The following ARPC3 variants were observed in gnomAD, a reference collection of about 807,000 sequenced individuals.
ARPC3 encodes the protein actin related protein 2/3 complex subunit 3, also known as actin-related protein 2/3 complex subunit 3.
ARPC3 carries 12 observed loss-of-function variants against 27.6 expected under a neutral mutation model. The ratio of observed to expected loss-of-function variants is 0.43; its 90% CI spans 0.28 to 0.70. ARPC3 has a LOEUF of 0.70. Ranked by LOEUF, ARPC3 falls within the 30% of genes least tolerant of loss-of-function variation. The pLI is 0.17. For missense variants in ARPC3, 153 were observed against 207.7 expected (o/e 0.74, Z 1.62); for synonymous variants, 53 against 67.2 (o/e 0.79, Z 1.03).
At chr12:110,447,886 CTTTTTTTTTTTTT>C (rs796202139) in intron 1 of ARPC3, among the ~76,000 whole-genome samples, 12 of 107,202 alleles carry the variant, frequency 1.1e-4, no homozygotes, top group South Asian at 3.4e-4. Context: ...ATTTAGAGTC[CTTTTTTTTTTTTT>C]TTTTTTTTTT....
intron 1 of ARPC3, among the ~76,000 whole-genome samples, chr12:110,445,862 G>A (rs1363573637): frequency 6.6e-6 from 1 of 152,174 alleles, no homozygotes. Flanking sequence ...CCAGCACTTT[G>A]GGAGGCTGAG....
intron 5 of ARPC3, 48 bp downstream of exon 5, chr12:110,436,509 G>C (rs767458524): frequency 1.2e-6 from 2 of 1,611,812 alleles, no homozygotes; most frequent in Non-Finnish European, 8.5e-7. Context: ...AAGTCAAATG[G>C]AGAAAATCTT....
At chr12:110,440,424 T>A (rs898792704) in intron 2 of ARPC3, 36 bp from the exon 3 acceptor site, 5 of 1,405,174 alleles carry the variant, frequency 3.6e-6, no homozygotes, top group Non-Finnish European at 5.1e-6. Context: ...ACAGAGAACA[T>A]TAGCCAAATA....
chr12:110,440,845 CTT>C (rs1422650011), intron 2 of ARPC3, among the ~76,000 whole-genome samples: 5 of 123,958 alleles, frequency 4.0e-5, no homozygotes, highest in Non-Finnish European at 6.7e-5. Flanking sequence ...CGTGCCCAGC[CTT>C]TGTTTTTTTT....
At chr12:110,444,763 G>C (rs1232438624) in intron 2 of ARPC3, 1 of 152,288 alleles carries the variant, frequency 6.6e-6, no homozygotes, top group African/African-American at 2.4e-5. Context: ...CAGTCTGGCA[G>C]AGAAATGGGG....
intron 3 of ARPC3, among the ~76,000 whole-genome samples, chr12:110,438,425 C>T (rs1324662511): frequency 6.6e-6 from 1 of 151,052 alleles, no homozygotes. Flanking sequence ...TGGTGAAACC[C>T]TGTCCCTACC....
rs1243925179 is a variant in ARPC3, at chr12:110,436,774, G to T, written c.253-91C>A. 1.1e-5 allele frequency: 12 copies of T among 1,078,600 alleles called. No homozygotes were observed. The South Asian group carries it at 1.7e-4, about 15-fold the overall frequency. 66.8% of individuals were successfully genotyped at this position (1,078,600 alleles called of 1,614,324 possible). A position where few individuals can be genotyped will look rare whatever the true frequency, so the allele number is the denominator to read the frequency against. ...CACACATATTTTACAGGGAAAAGAA[G>T]AATTCTATCCTTGGACCCCAGGTTA... On this transcript the variant is annotated intron_variant, in intron 4 of 6. Coordinates refer to ENST00000228825, the MANE Select transcript of ARPC3 (RefSeq NM_001278556.2).
At position 110,445,440 on chromosome 12, in the gene ARPC3, GT is replaced by G. The variant is rs2062458982; in HGVS notation, c.106+11del. Reference sequence around the variant, plus strand: ...TCGTACCAAAATTTGAAAATAATGGGTTTAGACTTACTCTCTCTGGGGGCAG... The same window carrying G: ...TCGTACCAAAATTTGAAAATAATGGGTTAGACTTACTCTCTCTGGGGGCAG... On this transcript the variant is annotated intron_variant, in intron 2 of 6. Coordinates refer to ENST00000228825, the MANE Select transcript of ARPC3 (RefSeq NM_001278556.2). The G allele has an allele frequency of 1.9e-6, 3 of 1,584,860 alleles. No individual in the cohort carries two copies. Among genetic ancestry groups the G allele is most frequent in the Non-Finnish European group, 2.6e-6 (3 of 1,153,618 alleles).
intron 1 of ARPC3, among the ~76,000 whole-genome samples, chr12:110,447,573 G>A (rs1375653982): frequency 6.6e-6 from 1 of 152,138 alleles, no homozygotes; most frequent in Non-Finnish European, 1.5e-5. Flanking sequence ...AGAAGATCGA[G>A]ACCACCCTGA....
rs376020675 is a variant in ARPC3 at position 110,440,188 on chromosome 12, G to A, written c.183+124C>T. 5.9e-5 allele frequency: 43 copies of A among 725,236 alleles called. No homozygotes were observed. In the African/African-American group the frequency reaches 7.3e-4, roughly 12 times the overall value. The allele number at this position is 725,236 out of a possible 1,614,324, so 44.9% of individuals were successfully genotyped here. A position where few individuals can be genotyped will look rare whatever the true frequency, so the allele number is the denominator to read the frequency against. On this transcript the variant is annotated intron_variant, in intron 3 of 6. Coordinates refer to ENST00000228825, the MANE Select transcript of ARPC3 (RefSeq NM_001278556.2). ...TATACAAAAGCTAACATTAAGCACT[G>A]CTCTCGAATTTAAAAATTACATGCT...
Position 110,435,130 on chromosome 12 carries a change from G to C in ARPC3, c.*25C>G, listed in dbSNP as rs780065976. 32 of 1,602,728 alleles carry C rather than the reference G, an allele frequency of 2.0e-5. No individual in the cohort carries two copies. The East Asian group carries it at 5.4e-4, about 27-fold the overall frequency. ...CTGGAAAATGCTGCCCAGGGCTCTG[G>C]AGACGGTGGCTGCCCGGGCTCCCTT... On this transcript the variant is annotated 3_prime_UTR_variant, in exon 7 of 7. Transcript: ENST00000228825.
At chr12:110,447,915 C>T (rs1592956192) in intron 1 of ARPC3, among the ~76,000 whole-genome samples, 1 of 112,290 alleles carries the variant, frequency 8.9e-6, no homozygotes, top group African/African-American at 3.5e-5. Flanking sequence ...TTTTTGGAGA[C>T]AGAGTTTCCT....
In ARPC3 at chr12:110,441,861, C is replaced by T. The variant is rs143192309; in HGVS notation, c.107-1473G>A. ...GCCTGGCCAACATGGTGAAACTGCG[C>T]CTCTACTAAAAATACAAAAAATTAG... is the stretch of plus-strand genomic sequence containing the variant. On this transcript the variant is annotated intron_variant, in intron 2 of 6. Transcript: ENST00000228825. Among the ~76,000 whole-genome samples, 1,039 of 150,842 alleles carry T rather than the reference C, an allele frequency of 6.9e-3. 1 individual carries two copies. Among genetic ancestry groups the T allele is most frequent in the Non-Finnish European group, 9.4e-3 (637 of 67,652 alleles).
chr12:110,437,663 C>T (rs916383107), intron 3 of ARPC3, among the ~76,000 whole-genome samples: 2 of 152,054 alleles, frequency 1.3e-5, no homozygotes, highest in Non-Finnish European at 2.9e-5. Context: ...CCACCACGCT[C>T]GGCTGAGTGG....
chr12:110,448,786 G>T (rs1198272695), intron 1 of ARPC3, among the ~76,000 whole-genome samples: 3 of 109,400 alleles, frequency 2.7e-5, no homozygotes, highest in Non-Finnish European at 4.0e-5. Context: ...TCCGGGGGGG[G>T]GGGGGGTGGT....
Position 110,440,378 on chromosome 12 carries a change from T to A in ARPC3, c.117A>T (p.Thr39=), listed in dbSNP as rs199747895. Residue 39 remains threonine, a synonymous_variant, in exon 3 of 7, where the codon ACA becomes ACT. Transcript: ENST00000228825. Reference sequence around the variant, plus strand: ...AATAGATGGCTTCATCCACAATATCTGTATCTTTTGCTAAGCAGGACACAA... The same window carrying A: ...AATAGATGGCTTCATCCACAATATCAGTATCTTTTGCTAAGCAGGACACAA... ...KGPAPRETKD[T]DIVDEAIYYF... 6.2e-7 allele frequency: 1 copy of A among 1,609,624 alleles called. No individual in the cohort carries two copies. The highest frequency in any genetic ancestry group is 8.5e-7 in the Non-Finnish European group (1 of 1,175,970).
chr12:110,437,525 G>A (rs1592950714), intron 3 of ARPC3, among the ~76,000 whole-genome samples: 2 of 152,066 alleles, frequency 1.3e-5, no homozygotes, highest in Non-Finnish European at 2.9e-5. Flanking sequence ...CCGCCACCAC[G>A]CCTGGCTAAT....
intron 2 of ARPC3, among the ~76,000 whole-genome samples, chr12:110,441,783 C>T (rs1592952953): frequency 6.6e-6 from 1 of 151,846 alleles, no homozygotes; most frequent in South Asian, 2.1e-4. Context: ...GTAATCCCAA[C>T]ACTTTGGGAG....
chr12:110,437,528 T>A (rs1268654131), intron 3 of ARPC3, among the ~76,000 whole-genome samples: 1 of 152,018 alleles, frequency 6.6e-6, no homozygotes, highest in Non-Finnish European at 1.5e-5. Context: ...CCACCACGCC[T>A]GGCTAATTTT....
Sources: allele counts gnomAD v4.1 joint callset (sites outside exome capture counted in the v4.1 genomes callset), GRCh38; gene constraint gnomAD v4.1.1; transcripts MANE v1.5; gene names NCBI Gene and HGNC (gene_info 2026-07-23, HGNC 2026-07-21).